DENND1A: variants seen among roughly 807,000 people sequenced by gnomAD.
DENND1A encodes DENN domain containing 1A.
In DENND1A, 51 loss-of-function variants were observed where a neutral mutation model predicts 113.7. That is an observed-to-expected ratio of 0.45 (90% CI 0.36 to 0.57). DENND1A has a LOEUF of 0.57. Among genes scored for constraint, DENND1A ranks in the 20% least tolerant of loss-of-function variants. DENND1A has a pLI of 0.00. For missense variants in DENND1A, 1,258 were observed against 1,395.9 expected (o/e 0.90, Z 1.57); for synonymous variants, 565 against 570.8 (o/e 0.99, Z 0.14).
At chr9:123,722,453 T>C (rs992964664) in intron 5 of DENND1A, among the ~76,000 whole-genome samples, 1 of 151,892 alleles carries the variant, frequency 6.6e-6, no homozygotes, top group African/African-American at 2.4e-5. Context: ...ACCAAGACAA[T>C]GGGGAAAATG....
At chr9:123,840,845 T>G (rs983584308) in intron 2 of DENND1A, among the ~76,000 whole-genome samples, 2 of 152,214 alleles carry the variant, frequency 1.3e-5, no homozygotes, top group African/African-American at 4.8e-5. Flanking sequence ...TTTTATCATG[T>G]GAAGTGCCTA....
Position 123,909,358 on chromosome 9 carries a change from TA to T in DENND1A, c.17+20530del, listed in dbSNP as rs111462479. ...AAACTTAAAGTATAAAAAATAAAAA[TA>T]AAAAAAACAATAAAAAAATAAAATA... On this transcript the variant is annotated intron_variant, in intron 1 of 23. Coordinates refer to ENST00000394215, the MANE Select transcript of DENND1A (RefSeq NM_001352964.2). 7.9e-3 allele frequency among the ~76,000 whole-genome samples: 995 copies of T among 126,556 alleles called. 9 individuals carry two copies. Among genetic ancestry groups the T allele is most frequent in the African/African-American group, 0.025 (836 of 33,880 alleles). 83.0% of individuals were successfully genotyped at this position (126,556 alleles called of 152,430 possible).
intron 13 of DENND1A, among the ~76,000 whole-genome samples, chr9:123,509,558 T>A (rs117596784): frequency 6.6e-6 from 1 of 152,300 alleles, no homozygotes; most frequent in East Asian, 1.9e-4. Flanking sequence ...GGATGGCACA[T>A]CCCCAGTGAA....
chr9:123,541,640 A>G (rs988024990), intron 13 of DENND1A, among the ~76,000 whole-genome samples: 1 of 152,230 alleles, frequency 6.6e-6, no homozygotes, highest in African/African-American at 2.4e-5. Context: ...GGGACCAGCA[A>G]GCCAAACATA....
At chr9:123,885,600 C>T (rs79800173) in intron 1 of DENND1A, among the ~76,000 whole-genome samples, 6,045 of 152,306 alleles carry the variant, frequency 0.04, 131 homozygotes, top group Middle Eastern at 0.048. Context: ...AGCTCTTAAA[C>T]ACTGAAAAAT....
chr9:123,922,736 T>C (rs550931109), intron 1 of DENND1A, among the ~76,000 whole-genome samples: 1 of 152,176 alleles, frequency 6.6e-6, no homozygotes, highest in Non-Finnish European at 1.5e-5. Flanking sequence ...GTTCCCTATA[T>C]CTGGAATGCC....
At chr9:123,817,454 AC>A (rs1425542816) in intron 2 of DENND1A, among the ~76,000 whole-genome samples, 1 of 152,222 alleles carries the variant, frequency 6.6e-6, no homozygotes, top group Admixed American at 6.5e-5. Context: ...AGATAAGGCA[AC>A]CAACATTTTA....
At chr9:123,639,039 T>TAAAAAAAAAAAA (rs750972974) in intron 9 of DENND1A, among the ~76,000 whole-genome samples, 39 of 32,074 alleles carry the variant, frequency 1.2e-3, no homozygotes, top group Admixed American at 2.5e-3. Flanking sequence ...GCATGAGTAG[T>TAAAAAAAAAAAA]AAAAAAAAAA....
chr9:123,391,201 A>G (rs148367060), intron 21 of DENND1A, among the ~76,000 whole-genome samples: 161 of 152,344 alleles, frequency 1.1e-3, no homozygotes, highest in African/African-American at 3.7e-3. Context: ...GTACTGGCTG[A>G]GCCAGGCTGG....
chr9:123,769,448 T>C, intron 4 of DENND1A, 66 bp downstream of exon 4: 1 of 1,381,688 alleles, frequency 7.2e-7, no homozygotes. Context: ...AATGGTATGG[T>C]TTTTATTTTC....
At position 123,661,051 on chromosome 9, in the gene DENND1A, G is replaced by A. The variant is rs1185893865; in HGVS notation, c.507+5975C>T. Among the ~76,000 whole-genome samples the A allele has an allele frequency of 2.0e-5, 3 of 152,228 alleles. No homozygotes were observed. In the South Asian group the frequency reaches 6.2e-4, roughly 32 times the overall value. ...CCCAAGCTGACAAGCATGCGACTGA[G>A]GTTGAGAAGGAAAGCTTAAAGCTAC... is the stretch of plus-strand genomic sequence containing the variant. On this transcript the variant is annotated intron_variant, in intron 8 of 23. Coordinates refer to ENST00000394215, the MANE Select transcript of DENND1A (RefSeq NM_001352964.2).
At chr9:123,487,015 C>G (rs1305078085) in intron 13 of DENND1A, among the ~76,000 whole-genome samples, 1 of 152,208 alleles carries the variant, frequency 6.6e-6, no homozygotes, top group Non-Finnish European at 1.5e-5. Flanking sequence ...CTGAGAGTTG[C>G]TGCACAGACA....
chr9:123,900,336 T>G (rs1200711766), intron 1 of DENND1A, among the ~76,000 whole-genome samples: 4 of 152,172 alleles, frequency 2.6e-5, no homozygotes, highest in Non-Finnish European at 4.4e-5. Flanking sequence ...CCACATACAG[T>G]GCAAGTCACT....
intron 9 of DENND1A, among the ~76,000 whole-genome samples, chr9:123,650,616 T>C (rs1259199344): frequency 1.3e-5 from 2 of 152,146 alleles, no homozygotes; most frequent in Non-Finnish European, 2.9e-5. Context: ...TGTGATTTAC[T>C]TTGAAATGCA....
At chr9:123,883,868 CAAAA>C (rs75076282) in intron 1 of DENND1A, among the ~76,000 whole-genome samples, 4 of 93,974 alleles carry the variant, frequency 4.3e-5, no homozygotes, top group Admixed American at 1.3e-4. Flanking sequence ...ATGACAGTCT[CAAAA>C]AAAAAAAAAA....
At chr9:123,679,687 G>A (rs2064318120) in intron 5 of DENND1A, among the ~76,000 whole-genome samples, 1 of 152,162 alleles carries the variant, frequency 6.6e-6, no homozygotes, top group South Asian at 2.1e-4. Context: ...TCTATCCAGC[G>A]GCGTTTCCTG....
At chr9:123,429,664 C>A (rs1273505354) in intron 19 of DENND1A, among the ~76,000 whole-genome samples, 1 of 152,068 alleles carries the variant, frequency 6.6e-6, no homozygotes, top group Non-Finnish European at 1.5e-5. Context: ...AAAGTAGACC[C>A]CTTCCTTACA....
chr9:123,569,072 G>A (rs956422355), intron 12 of DENND1A, among the ~76,000 whole-genome samples: 13 of 152,136 alleles, frequency 8.5e-5, no homozygotes, highest in African/African-American at 2.7e-4. Flanking sequence ...GATTACAAAC[G>A]AACGAAAAAG....
chr9:123,655,969 T>C (rs543201628), intron 8 of DENND1A, among the ~76,000 whole-genome samples: 7 of 152,330 alleles, frequency 4.6e-5, no homozygotes, highest in Non-Finnish European at 1.0e-4. Context: ...GTGATCTCCA[T>C]CTTCCTGCTT....
Sources: gnomAD v4.1 joint callset for allele counts (sites outside exome capture counted in the v4.1 genomes callset) on GRCh38, gnomAD v4.1.1 for gene constraint, MANE v1.5 for transcripts, NCBI Gene and HGNC (gene_info 2026-07-23, HGNC 2026-07-21) for gene names.